The following AJAP1 variants were observed in gnomAD, a reference collection of about 807,000 sequenced individuals.
AJAP1 encodes adherens junctions associated protein 1, also known as adherens junction-associated protein 1.
A neutral mutation model predicts 35.0 loss-of-function variants in AJAP1; 5 were observed. That is an observed-to-expected ratio of 0.14 (90% CI 0.07 to 0.30). The LOEUF (loss-of-function observed/expected upper bound fraction) is 0.30. AJAP1 is among the 10% of genes least tolerant of loss of function. The pLI is 1.00. For missense variants in AJAP1, 586 were observed against 571.0 expected (o/e 1.03, Z -0.27); for synonymous variants, 284 against 249.3 (o/e 1.14, Z -1.31).
chr1:4,781,094 AGACGCAGTGCTGATGATCAGG>A, intron 5 of AJAP1, among the ~76,000 whole-genome samples: 1 of 152,280 alleles, frequency 6.6e-6, no homozygotes, highest in East Asian at 1.9e-4. Context: ...AGATGATCAG[AGACGCAGTGCTGATGATCAGG>A]GACGCAGTGC....
intron 2 of AJAP1, among the ~76,000 whole-genome samples, chr1:4,737,904 A>AAAAACC (rs540005271): frequency 4.7e-4 from 72 of 152,272 alleles, no homozygotes; most frequent in African/African-American, 1.5e-3. Context: ...CCTCTTTCAA[A>AAAAACC]AAAACCAAAA....
chr1:4,763,266 C>T (rs1641612336), intron 2 of AJAP1, among the ~76,000 whole-genome samples: 2 of 152,344 alleles, frequency 1.3e-5, no homozygotes, highest in South Asian at 4.1e-4. Context: ...CTGCCTAGGC[C>T]CTTTGGGGCA....
chr1:4,727,546 C>G (rs1163241641), intron 2 of AJAP1, among the ~76,000 whole-genome samples: 2 of 152,200 alleles, frequency 1.3e-5, no homozygotes, highest in Admixed American at 1.3e-4. Context: ...TATTCTCACC[C>G]CTGGGCAGCA....
intron 1 of AJAP1, among the ~76,000 whole-genome samples, chr1:4,694,509 G>A (rs1044304770): frequency 2.6e-5 from 4 of 152,220 alleles, no homozygotes; most frequent in Admixed American, 2.0e-4. Flanking sequence ...GACAGACACC[G>A]TCCTTGTTCT....
At chr1:4,767,722 C>T (rs1191307235) in intron 2 of AJAP1, among the ~76,000 whole-genome samples, 2 of 152,230 alleles carry the variant, frequency 1.3e-5, no homozygotes, top group Non-Finnish European at 2.9e-5. Context: ...TCATCACCAC[C>T]ATCACCATCA....
Position 4,655,276 on chromosome 1 carries a change from C to T in AJAP1, c.-150C>T. 1 of 441,036 alleles carries T rather than the reference C, an allele frequency of 2.3e-6. No individual in the cohort carries two copies. Among genetic ancestry groups the T allele is most frequent in the South Asian group, 9.4e-5 (1 of 10,648 alleles). 27.3% of individuals were successfully genotyped at this position (441,036 alleles called of 1,614,324 possible). A position where few individuals can be genotyped will look rare whatever the true frequency, so the allele number is the denominator to read the frequency against. On this transcript the variant is annotated 5_prime_UTR_variant, in exon 1 of 6. Transcript: ENST00000378191. The surrounding 1 kb of genome is among the most constrained non-coding windows in gnomAD (Gnocchi z 6.9). ...GGAGCCCCGCGCGGCCGCGCTCTGA[C>T]TCGCTGTGCGCCCCGCGGCCGGCGG...
intron 2 of AJAP1, among the ~76,000 whole-genome samples, chr1:4,737,856 T>G (rs1413991095): frequency 6.6e-6 from 1 of 152,174 alleles, no homozygotes; most frequent in Non-Finnish European, 1.5e-5. Flanking sequence ...GAACCATGAT[T>G]GCACTACTGC....
intron 2 of AJAP1, among the ~76,000 whole-genome samples, chr1:4,733,213 C>T (rs1485794488): frequency 2.6e-5 from 4 of 151,908 alleles, no homozygotes; most frequent in Middle Eastern, 3.4e-3. Context: ...AGGGTTTTCA[C>T]GTGATTTTTA....
intron 5 of AJAP1, among the ~76,000 whole-genome samples, chr1:4,778,954 A>G (rs1407987248): frequency 6.6e-6 from 1 of 152,214 alleles, no homozygotes; most frequent in Non-Finnish European, 1.5e-5. Flanking sequence ...TGCATGAACC[A>G]GTGGTGAATG....
intron 2 of AJAP1, among the ~76,000 whole-genome samples, chr1:4,767,636 C>T (rs1436109142): frequency 7.6e-6 from 1 of 131,014 alleles, no homozygotes; most frequent in Non-Finnish European, 1.7e-5. Flanking sequence ...CCATCATCAC[C>T]ACATCACCAT....
chr1:4,671,372 A>C (rs1475568072), intron 1 of AJAP1, among the ~76,000 whole-genome samples: 3 of 149,842 alleles, frequency 2.0e-5, no homozygotes, highest in Admixed American at 6.7e-5. Context: ...CTGCCTCAAA[A>C]AAAAAAAAAA....
chr1:4,751,005 T>C (rs559878754), intron 2 of AJAP1, among the ~76,000 whole-genome samples: 47 of 151,278 alleles, frequency 3.1e-4, no homozygotes, highest in African/African-American at 1.1e-3. Context: ...GGTCAGATGA[T>C]CCCTTTTGGC....
At position 4,712,040 on chromosome 1, in the gene AJAP1, C is replaced by T. The variant is rs1182836544; in HGVS notation, c.170C>T (p.Pro57Leu). ...GPEFWLLPRSPPRPPRLWSFR... is the reference protein window; with the variant it reads ...GPEFWLLPRSLPRPPRLWSFR... ...GAGTTCTGGCTCCTGCCGCGGTCGC[C>T]GCCCCGGCCGCCCCGGCTGTGGAGT... is the stretch of plus-strand genomic sequence containing the variant. Residue 57 changes from proline to leucine, a missense_variant, in exon 2 of 6, where the codon CCG becomes CTG. Transcript: ENST00000378191. The T allele has an allele frequency of 1.9e-6, 3 of 1,588,454 alleles. No homozygotes were observed. The highest frequency in any genetic ancestry group is 2.6e-6 in the Non-Finnish European group (3 of 1,171,164).
In AJAP1 at chr1:4,692,117, A is replaced by G. The variant is rs1639753070; in HGVS notation, c.30-19783A>G. Among the ~76,000 whole-genome samples the G allele has an allele frequency of 6.6e-6, 1 of 152,008 alleles. No individual in the cohort carries two copies. Among genetic ancestry groups the G allele is most frequent in the African/African-American group, 2.4e-5 (1 of 41,394 alleles). ...ATGGCGCCCGGCCGGCCCTGCGTGG[A>G]TCTATTATCTCTGCATCGTTGCCGC... On this transcript the variant is annotated intron_variant, in intron 1 of 5. Transcript: ENST00000378191. This position sits in a 1 kb window ranked among gnomAD's most constrained non-coding sequence, Gnocchi z 4.4.
At chr1:4,689,840 G>A (rs374202143) in intron 1 of AJAP1, among the ~76,000 whole-genome samples, 1 of 152,198 alleles carries the variant, frequency 6.6e-6, no homozygotes, top group Non-Finnish European at 1.5e-5. Context: ...GCCCCCTCTC[G>A]CGGATGCCCA....
intron 2 of AJAP1, among the ~76,000 whole-genome samples, chr1:4,755,119 A>G (rs1450383593): frequency 6.6e-6 from 1 of 152,182 alleles, no homozygotes; most frequent in Non-Finnish European, 1.5e-5. Context: ...TGGTGGGAGA[A>G]GGGGCACCAG....
intron 2 of AJAP1, among the ~76,000 whole-genome samples, chr1:4,762,754 A>G (rs1416198375): frequency 2.6e-5 from 4 of 152,132 alleles, no homozygotes; most frequent in African/African-American, 9.7e-5. Context: ...GGGACCCCAA[A>G]TGGCACTGTG....
intron 1 of AJAP1, among the ~76,000 whole-genome samples, chr1:4,678,893 A>G (rs914911368): frequency 6.6e-5 from 10 of 152,350 alleles, no homozygotes; most frequent in African/African-American, 2.2e-4. Context: ...AAAACATCTT[A>G]TGTAATCCTC....
intron 1 of AJAP1, among the ~76,000 whole-genome samples, chr1:4,698,199 G>A (rs777548264): frequency 1.3e-5 from 2 of 152,100 alleles, no homozygotes; most frequent in Non-Finnish European, 2.9e-5. Context: ...TTCTTTGCTC[G>A]TCACCATGAA....
Sources: allele counts gnomAD v4.1 joint callset (sites outside exome capture counted in the v4.1 genomes callset), GRCh38; gene constraint gnomAD v4.1.1; non-coding constraint Gnocchi (gnomAD v3.1); transcripts MANE v1.5; gene names NCBI Gene and HGNC (gene_info 2026-07-23, HGNC 2026-07-21).